Variants in ACSL3 observed in about 807,000 individuals in gnomAD.
The protein encoded by ACSL3 is acyl-CoA synthetase long chain family member 3.
Under a neutral mutation model 84.7 loss-of-function variants are expected in ACSL3, and 34 were observed. The ratio of observed to expected loss-of-function variants is 0.40; its 90% CI spans 0.31 to 0.53. The LOEUF (loss-of-function observed/expected upper bound fraction) is 0.53, where lower values mean the gene tolerates loss of function less well. Among genes scored for constraint, ACSL3 ranks in the 20% least tolerant of loss-of-function variants. The probability of loss-of-function intolerance (pLI) is 0.48; values close to 1 mark genes in which losing one functional copy is unlikely to be tolerated. For synonymous variants in ACSL3, 315 were observed against 299.4 expected (o/e 1.05, Z -0.54); for missense variants, 680 against 873.1 (o/e 0.78, Z 2.79).
chr2:222,879,464 A>G (rs988676322), intron 1 of ACSL3, among the ~76,000 whole-genome samples: 8 of 152,304 alleles, frequency 5.3e-5, no homozygotes, highest in South Asian at 4.1e-4. Context: ...TACTCACTGT[A>G]TGCTCACCCA....
intron 11 of ACSL3, 23 bp downstream of exon 11, chr2:222,924,618 C>G: frequency 6.4e-7 from 1 of 1,563,488 alleles, no homozygotes; most frequent in Non-Finnish European, 8.6e-7. Context: ...TCTCTACCTC[C>G]TTCTTTCTCC....
intron 4 of ACSL3, among the ~76,000 whole-genome samples, chr2:222,913,537 A>G (rs1696497968): frequency 6.6e-6 from 1 of 152,020 alleles, no homozygotes; most frequent in Admixed American, 6.6e-5. Context: ...GGGGTGTCTG[A>G]TTTACATCCC....
intron 13 of ACSL3, among the ~76,000 whole-genome samples, chr2:222,929,623 C>G (rs1696970025): frequency 6.6e-6 from 1 of 151,900 alleles, no homozygotes; most frequent in Non-Finnish European, 1.5e-5. Context: ...ACTAAAAATA[C>G]AAAAATTAGC....
intron 16 of ACSL3, among the ~76,000 whole-genome samples, chr2:222,940,271 T>C (rs1301431655): frequency 1.3e-5 from 2 of 152,242 alleles, no homozygotes; most frequent in Non-Finnish European, 2.9e-5. Context: ...TGTCTTAAAC[T>C]TTATTATTTT....
intron 4 of ACSL3, among the ~76,000 whole-genome samples, chr2:222,910,729 T>A (rs1170041261): frequency 1.3e-5 from 2 of 152,232 alleles, no homozygotes; most frequent in Non-Finnish European, 2.9e-5. Flanking sequence ...GTATCTTGTT[T>A]TATCTGAAAC....
intron 3 of ACSL3, 21 bp from the exon 4 acceptor site, chr2:222,908,712 C>T: frequency 7.0e-7 from 1 of 1,438,666 alleles, no homozygotes; most frequent in South Asian, 1.3e-5. Context: ...GAACTAACGC[C>T]TTTCTTTTTC....
At chr2:222,892,080 G>C (rs1012027072) in intron 2 of ACSL3, among the ~76,000 whole-genome samples, 2 of 152,184 alleles carry the variant, frequency 1.3e-5, no homozygotes, top group Non-Finnish European at 2.9e-5. Context: ...GTCATACATT[G>C]CAACTGTGTG....
rs376392265 is a variant in ACSL3 at position 222,916,279 on chromosome 2, A to G, written c.379-40A>G. The G allele has an allele frequency of 2.1e-5, 27 of 1,313,036 alleles. No homozygotes were observed. The African/African-American group carries it at 4.0e-4, about 19-fold the overall frequency. 81.3% of individuals were successfully genotyped at this position (1,313,036 alleles called of 1,614,324 possible). ...ATTCTGGTTTCTTCTGTAAATTATT[A>G]TTTTGATTACATTAAAAAAATTTTT... is the stretch of plus-strand genomic sequence containing the variant. On this transcript the variant is annotated intron_variant, in intron 4 of 16. Transcript: ENST00000357430.
chr2:222,903,028 TAGAA>T (rs1325169888), intron 3 of ACSL3, among the ~76,000 whole-genome samples: 1 of 151,414 alleles, frequency 6.6e-6, no homozygotes, highest in African/African-American at 2.4e-5. Context: ...GTACTACAAA[TAGAA>T]GGAAGAAAAA....
chr2:222,898,551 C>A (rs920842347), intron 2 of ACSL3, among the ~76,000 whole-genome samples: 27 of 152,136 alleles, frequency 1.8e-4, no homozygotes, highest in African/African-American at 6.5e-4. Context: ...TATGATTGGT[C>A]CATGGGCCAC....
chr2:222,894,420 A>G (rs1695919973), intron 2 of ACSL3, among the ~76,000 whole-genome samples: 1 of 152,258 alleles, frequency 6.6e-6, no homozygotes, highest in African/African-American at 2.4e-5. Flanking sequence ...ATTGGCATAG[A>G]ACATTTTAAA....
chr2:222,869,255 C>T (rs1208084258), intron 1 of ACSL3, among the ~76,000 whole-genome samples: 1 of 152,198 alleles, frequency 6.6e-6, no homozygotes, highest in Non-Finnish European at 1.5e-5. Flanking sequence ...CTTAACCTTT[C>T]TCAGCCTTCC....
At chr2:222,892,732 T>A (rs1695873829) in intron 2 of ACSL3, among the ~76,000 whole-genome samples, 1 of 152,234 alleles carries the variant, frequency 6.6e-6, no homozygotes, top group Non-Finnish European at 1.5e-5. Context: ...TTAAAAAGTT[T>A]GGACATGCCT....
intron 15 of ACSL3, among the ~76,000 whole-genome samples, chr2:222,933,971 G>T (rs1697103379): frequency 6.6e-6 from 1 of 152,174 alleles, no homozygotes; most frequent in Non-Finnish European, 1.5e-5. Context: ...ATTTATTCAT[G>T]TGATAGTAAC....
At chr2:222,936,608 T>TCCCCCCCCCCC (rs55915039) in intron 16 of ACSL3, among the ~76,000 whole-genome samples, 3 of 131,184 alleles carry the variant, frequency 2.3e-5, no homozygotes, top group African/African-American at 2.9e-5. Flanking sequence ...TTCTGCACCC[T>TCCCCCCCCCCC]CCCCCCCCAC....
chr2:222,878,254 CTTA>C (rs1695502741), intron 1 of ACSL3, among the ~76,000 whole-genome samples: 1 of 152,162 alleles, frequency 6.6e-6, no homozygotes, highest in Non-Finnish European at 1.5e-5. Flanking sequence ...CCAGTATATA[CTTA>C]TTAATGGAAG....
intron 4 of ACSL3, among the ~76,000 whole-genome samples, chr2:222,913,893 A>G (rs1428786148): frequency 2.6e-5 from 4 of 152,204 alleles, no homozygotes; most frequent in African/African-American, 7.2e-5. Flanking sequence ...TAAGAGTTTA[A>G]TAAGTTAACA....
At chr2:222,929,335 T>C (rs541321038) in intron 13 of ACSL3, among the ~76,000 whole-genome samples, 1 of 152,224 alleles carries the variant, frequency 6.6e-6, no homozygotes, top group Non-Finnish European at 1.5e-5. Flanking sequence ...AACCTTGTAT[T>C]ATTAGAAGGA....
At chr2:222,863,607 AT>A (rs1171068249) in intron 1 of ACSL3, among the ~76,000 whole-genome samples, 1 of 151,984 alleles carries the variant, frequency 6.6e-6, no homozygotes, top group Non-Finnish European at 1.5e-5. Flanking sequence ...TTGGATTTAG[AT>A]TTTTTTTAGG....
Sources: gnomAD v4.1 joint callset for allele counts (sites outside exome capture counted in the v4.1 genomes callset) on GRCh38, gnomAD v4.1.1 for gene constraint, MANE v1.5 for transcripts, NCBI Gene and HGNC (gene_info 2026-07-23, HGNC 2026-07-21) for gene names.